The following SPEF2 variants were observed in gnomAD, a reference collection of about 807,000 sequenced individuals.
SPEF2 encodes sperm flagellar and cilia associated 2.
SPEF2 carries 187 observed loss-of-function variants against 224.6 expected under a neutral mutation model. The observed-to-expected ratio is 0.83, with a 90% CI of 0.74 to 0.94. The LOEUF is 0.94. SPEF2 is among the 40% of genes least tolerant of loss of function. The pLI is 0.00. For synonymous variants in SPEF2, 715 were observed against 707.3 expected (o/e 1.01, Z -0.17); for missense variants, 2,170 against 2,135.6 (o/e 1.02, Z -0.32).
chr5:35,717,825 C>A (rs1742881889), intron 20 of SPEF2, among the ~76,000 whole-genome samples: 1 of 152,178 alleles, frequency 6.6e-6, no homozygotes. Flanking sequence ...TCTCATTACC[C>A]TCTCTAAAGA....
In SPEF2 at chr5:35,630,112, C is replaced by T. The variant is rs547105488; in HGVS notation, c.161+1550C>T. 4.6e-5 allele frequency among the ~76,000 whole-genome samples: 7 copies of T among 152,280 alleles called. No individual in the cohort carries two copies. The South Asian group carries it at 1.5e-3, about 32-fold the overall frequency. ...AGGGCACAGTGATGCAAGAAGTGAG[C>T]TCCCATGGCCTTGGACAGCTCCGTC... On this transcript the variant is annotated intron_variant, in intron 2 of 36. Coordinates refer to ENST00000356031, the MANE Select transcript of SPEF2 (RefSeq NM_024867.4).
At chr5:35,773,264 C>T (rs896020445) in intron 27 of SPEF2, among the ~76,000 whole-genome samples, 2 of 152,068 alleles carry the variant, frequency 1.3e-5, no homozygotes, top group Non-Finnish European at 2.9e-5. Flanking sequence ...TCTGTAGTCC[C>T]AGCTACTAGG....
In SPEF2 at chr5:35,659,226, A is replaced by G. The variant is rs1749373152; in HGVS notation, c.1167+19A>G. 1.3e-6 allele frequency: 2 copies of G among 1,568,420 alleles called. No individual in the cohort carries two copies. The highest frequency in any genetic ancestry group is 1.7e-6 in the Non-Finnish European group (2 of 1,153,210). On this transcript the variant is annotated intron_variant, in intron 8 of 36. Transcript: ENST00000356031. The stretch of plus-strand genomic sequence containing the variant: ...AGAAGCGGTAAATACCATCTTCCTT[A>G]GAAATCTTTCTAAGGTTACTTTTGT...
At chr5:35,796,334 G>A (rs549128028) in intron 33 of SPEF2, among the ~76,000 whole-genome samples, 52 of 152,256 alleles carry the variant, frequency 3.4e-4, no homozygotes, top group Middle Eastern at 3.4e-3. Context: ...GCGGCCGGGC[G>A]CGGTGGCTCA....
chr5:35,680,452 T>C (rs1216628728), intron 10 of SPEF2, among the ~76,000 whole-genome samples: 1 of 152,210 alleles, frequency 6.6e-6, no homozygotes, highest in African/African-American at 2.4e-5. Context: ...AATTTGAATT[T>C]CAATTTAGTC....
chr5:35,792,597 C>A, intron 31 of SPEF2, 151 bp downstream of exon 31: 3 of 610,824 alleles, frequency 4.9e-6, no homozygotes, highest in Non-Finnish European at 5.7e-6. Context: ...AATGAACTTC[C>A]AATTAAAACA....
intron 7 of SPEF2, 139 bp from the exon 8 acceptor site, chr5:35,658,880 C>T (rs1749316803): frequency 1.7e-6 from 1 of 589,180 alleles, no homozygotes; most frequent in Middle Eastern, 5.1e-4. Context: ...ATTTTTTTTG[C>T]CATGTTCAAA....
intron 15 of SPEF2, chr5:35,699,891 G>A (rs1161146314): frequency 6.5e-6 from 1 of 153,294 alleles, no homozygotes; most frequent in Non-Finnish European, 1.5e-5. Context: ...GATATGGTTT[G>A]ACTGTGTCCC....
At chr5:35,802,586 G>A (rs537953342) in intron 34 of SPEF2, among the ~76,000 whole-genome samples, 12 of 152,284 alleles carry the variant, frequency 7.9e-5, no homozygotes, top group African/African-American at 2.9e-4. Context: ...ATGTTCATTA[G>A]GGTGGCCAGA....
At chr5:35,788,940 A>G in intron 30 of SPEF2, 1 of 703,070 alleles carries the variant, frequency 1.4e-6, no homozygotes, top group Non-Finnish European at 2.6e-6. Flanking sequence ...ATGCCTTCTC[A>G]AATAGGAGAC....
At chr5:35,751,001 A>ATATATATATACC (rs1749355357) in intron 23 of SPEF2, among the ~76,000 whole-genome samples, 2 of 91,600 alleles carry the variant, frequency 2.2e-5, no homozygotes, top group Non-Finnish European at 4.6e-5. Context: ...ATATATGTAT[A>ATATATATATACC]TATATATATA....
intron 20 of SPEF2, among the ~76,000 whole-genome samples, chr5:35,715,418 G>C (rs897909662): frequency 6.6e-6 from 1 of 151,946 alleles, no homozygotes; most frequent in Non-Finnish European, 1.5e-5. Flanking sequence ...CATAGCAGTG[G>C]AGGTGAAACT....
intron 10 of SPEF2, among the ~76,000 whole-genome samples, chr5:35,688,164 G>T (rs1238851145): frequency 6.6e-6 from 1 of 152,182 alleles, no homozygotes; most frequent in African/African-American, 2.4e-5. Flanking sequence ...ACTAGCAGCA[G>T]TTCAGGTTAT....
chr5:35,704,515 T>C, intron 16 of SPEF2, 39 bp from the exon 17 acceptor site: 1 of 1,464,658 alleles, frequency 6.8e-7, no homozygotes, highest in South Asian at 1.2e-5. Context: ...GCAACTTTGG[T>C]TTTGAAAATT....
rs373063548 is a variant in SPEF2, at chr5:35,714,914, A to T, written c.2914+2028A>T. 4.5e-3 allele frequency among the ~76,000 whole-genome samples: 678 copies of T among 151,912 alleles called. 4 individuals are homozygous for T. Among genetic ancestry groups the T allele is most frequent in the Non-Finnish European group, 4.8e-3 (323 of 67,960 alleles). ...TTATGAAACAATAATGTTTGATTTTAAGTTGTTGTTTCTTGTTTTGAAACA... is the reference window on the plus strand; with the variant it reads ...TTATGAAACAATAATGTTTGATTTTTAGTTGTTGTTTCTTGTTTTGAAACA... On this transcript the variant is annotated intron_variant, in intron 20 of 36. Coordinates refer to ENST00000356031, the MANE Select transcript of SPEF2 (RefSeq NM_024867.4).
intron 28 of SPEF2, among the ~76,000 whole-genome samples, chr5:35,775,375 T>C (rs902355128): frequency 3.2e-4 from 48 of 152,230 alleles, no homozygotes; most frequent in African/African-American, 1.1e-3. Flanking sequence ...GATAAGTTTT[T>C]CCAGGGGAAA....
chr5:35,809,656 G>A (rs377302411), intron 36 of SPEF2, among the ~76,000 whole-genome samples: 13 of 152,158 alleles, frequency 8.5e-5, no homozygotes, highest in Admixed American at 3.9e-4. Context: ...GCCAGATTGC[G>A]AAGAACCCAG....
At position 35,787,736 on chromosome 5, in the gene SPEF2, G is replaced by C. The variant is rs1454444814; in HGVS notation, c.4448-4604G>C. The C allele has an allele frequency of 4.1e-5, 21 of 512,154 alleles. No homozygotes were observed. The East Asian group carries it at 6.2e-4, about 15-fold the overall frequency. 31.7% of individuals were successfully genotyped at this position (512,154 alleles called of 1,614,324 possible). A position where few individuals can be genotyped will look rare whatever the true frequency, so the allele number is the denominator to read the frequency against. On this transcript the variant is annotated intron_variant, in intron 30 of 36. Transcript: ENST00000356031. ...AACTAGTTAAAGCACTTAACAGAAT[G>C]CCTGGTAATTAATAAGCACTCCATA...
chr5:35,710,189 G>A (rs1453009077), intron 19 of SPEF2: 7 of 984,250 alleles, frequency 7.1e-6, no homozygotes, highest in South Asian at 9.4e-5. Flanking sequence ...CCCTTTTCCC[G>A]CTGTCTCATT....
Sources: gnomAD v4.1 joint callset for allele counts (sites outside exome capture counted in the v4.1 genomes callset) on GRCh38, gnomAD v4.1.1 for gene constraint, MANE v1.5 for transcripts, NCBI Gene and HGNC (gene_info 2026-07-23, HGNC 2026-07-21) for gene names.